POU6F2: variants seen among roughly 807,000 people sequenced by gnomAD.
POU6F2 encodes the protein POU domain, class 6, transcription factor 2.
POU6F2 carries 31 observed loss-of-function variants against 71.3 expected under a neutral mutation model. That is an observed-to-expected ratio of 0.43 (90% CI 0.33 to 0.59). POU6F2 has a LOEUF of 0.59. Among genes scored for constraint, POU6F2 ranks in the 20% least tolerant of loss-of-function variants. POU6F2 has a pLI of 0.04. For missense variants in POU6F2, 783 were observed against 856.8 expected (o/e 0.91, Z 1.07); for synonymous variants, 347 against 355.7 (o/e 0.98, Z 0.27).
At chr7:39,250,264 C>A (rs1783891355) in intron 4 of POU6F2, among the ~76,000 whole-genome samples, 2 of 152,214 alleles carry the variant, frequency 1.3e-5, no homozygotes, top group South Asian at 4.1e-4. Flanking sequence ...GTGATCTTGA[C>A]TGTGCAGCCC....
chr7:39,414,664 C>T (rs553307952), intron 6 of POU6F2, among the ~76,000 whole-genome samples: 3 of 152,186 alleles, frequency 2.0e-5, no homozygotes, highest in Non-Finnish European at 4.4e-5. Flanking sequence ...CTTAAGACTG[C>T]GGGTGCGGCC....
intron 1 of POU6F2, among the ~76,000 whole-genome samples, chr7:39,041,686 T>A (rs530922826): frequency 6.6e-6 from 1 of 152,082 alleles, no homozygotes; most frequent in South Asian, 2.1e-4. Context: ...TATTCTTTTT[T>A]ATTTCCATCT....
At chr7:39,372,020 A>G (rs1470501077) in intron 5 of POU6F2, among the ~76,000 whole-genome samples, 2 of 152,108 alleles carry the variant, frequency 1.3e-5, no homozygotes, top group African/African-American at 2.4e-5. Flanking sequence ...GGCTCAAGCA[A>G]TCCTCCTGCT....
rs35508359 is a variant in POU6F2, at chr7:39,266,695, CT to C, written c.598+59094del. Among the ~76,000 whole-genome samples, 659 of 105,080 alleles carry C rather than the reference CT, an allele frequency of 6.3e-3. 4 individuals are homozygous for C. The highest frequency in any genetic ancestry group is 0.024 in the African/African-American group (616 of 25,836). 68.9% of individuals were successfully genotyped at this position (105,080 alleles called of 152,430 possible). On this transcript the variant is annotated intron_variant, in intron 4 of 9. Coordinates refer to ENST00000518318, the MANE Select transcript of POU6F2 (RefSeq NM_001370959.1). ...ACAGGCATGAGCCACCGCACCTGGC[CT>C]TTTTTTTTTTTTTTTTTTGAATTGA...
rs149625283 is a variant in POU6F2, at chr7:39,045,744, C to G, written c.106-40116C>G. 3.0e-3 allele frequency among the ~76,000 whole-genome samples: 460 copies of G among 152,044 alleles called. 2 individuals carry two copies. The highest frequency in any genetic ancestry group is 0.015 in the South Asian group (71 of 4,828). ...TCTCCACTCCTACCCCTACCCCAGG[C>G]AACCAAAGGTCTGCTTTCTGTCACT... On this transcript the variant is annotated intron_variant, in intron 1 of 9. Coordinates refer to ENST00000518318, the MANE Select transcript of POU6F2 (RefSeq NM_001370959.1).
chr7:39,339,415 G>C (rs1785859141), intron 4 of POU6F2, among the ~76,000 whole-genome samples: 1 of 152,114 alleles, frequency 6.6e-6, no homozygotes, highest in African/African-American at 2.4e-5. Context: ...TTAAAGTAAT[G>C]CCTGATGTGT....
At chr7:39,357,439 A>C (rs1239820290) in intron 5 of POU6F2, among the ~76,000 whole-genome samples, 2 of 152,312 alleles carry the variant, frequency 1.3e-5, no homozygotes, top group South Asian at 2.1e-4. Context: ...AAAGTCCCAC[A>C]GTTTGTAAGA....
chr7:39,275,456 C>T (rs1287583826), intron 4 of POU6F2, among the ~76,000 whole-genome samples: 4 of 152,074 alleles, frequency 2.6e-5, no homozygotes, highest in African/African-American at 9.7e-5. Context: ...GAATCAATAT[C>T]GTGAAAATGG....
At chr7:39,233,994 G>A (rs2128750403) in intron 4 of POU6F2, among the ~76,000 whole-genome samples, 1 of 151,980 alleles carries the variant, frequency 6.6e-6, no homozygotes, top group East Asian at 1.9e-4. Flanking sequence ...TAGTCATGTG[G>A]GCCTTCTATC....
chr7:39,333,597 G>A (rs1439729840), intron 4 of POU6F2, among the ~76,000 whole-genome samples: 4 of 152,216 alleles, frequency 2.6e-5, no homozygotes, highest in African/African-American at 7.2e-5. Context: ...AATTAGCCTG[G>A]CACAGTGGCA....
chr7:39,273,450 C>T (rs556581809), intron 4 of POU6F2, among the ~76,000 whole-genome samples: 2 of 152,308 alleles, frequency 1.3e-5, no homozygotes, highest in African/African-American at 4.8e-5. Context: ...AAGATTAAAA[C>T]ATCAGGAAAA....
Position 39,421,025 on chromosome 7 carries a change from A to G in POU6F2, c.1114-12052A>G, listed in dbSNP as rs190376389. Among the ~76,000 whole-genome samples, 83 of 152,316 alleles carry G rather than the reference A, an allele frequency of 5.4e-4. 4 individuals carry two copies. The East Asian group carries it at 0.01, about 19-fold the overall frequency. On this transcript the variant is annotated intron_variant, in intron 6 of 9. Transcript: ENST00000518318. ...GGACATTTAAAGTAGGAATTAGAAA[A>G]CTATGAGAAACCACAATTGGAAGAG...
chr7:39,082,622 GACTT>G (rs1467228501), intron 1 of POU6F2, among the ~76,000 whole-genome samples: 1 of 152,066 alleles, frequency 6.6e-6, no homozygotes, highest in Non-Finnish European at 1.5e-5. Flanking sequence ...GAGAGAGAAT[GACTT>G]CCAAGCCGAG....
intron 4 of POU6F2, among the ~76,000 whole-genome samples, chr7:39,278,560 A>T (rs1055488178): frequency 6.6e-6 from 1 of 152,178 alleles, no homozygotes; most frequent in Non-Finnish European, 1.5e-5. Flanking sequence ...TGATTTCCAG[A>T]CCTTCCTTGT....
chr7:39,418,115 C>T (rs17619647), intron 6 of POU6F2, among the ~76,000 whole-genome samples: 61,293 of 151,968 alleles, frequency 0.4, 12,622 homozygotes, highest in Admixed American at 0.51. Context: ...TGGATTCAAA[C>T]TCAGTTATGT....
At chr7:39,056,183 A>C (rs1378789290) in intron 1 of POU6F2, among the ~76,000 whole-genome samples, 1 of 152,074 alleles carries the variant, frequency 6.6e-6, no homozygotes, top group Non-Finnish European at 1.5e-5. Context: ...TCTCAATTCC[A>C]GAAAGTGAGA....
intron 2 of POU6F2, among the ~76,000 whole-genome samples, chr7:39,181,096 A>C (rs1793425735): frequency 6.6e-6 from 1 of 152,190 alleles, no homozygotes; most frequent in Non-Finnish European, 1.5e-5. Flanking sequence ...CTTTAAGCAA[A>C]ACTTTGCTGT....
intron 5 of POU6F2, among the ~76,000 whole-genome samples, chr7:39,370,851 A>C (rs900556347): frequency 6.6e-6 from 1 of 152,196 alleles, no homozygotes; most frequent in African/African-American, 2.4e-5. Flanking sequence ...CTGGGTCTCC[A>C]CCCTGTAGGC....
chr7:39,387,498 A>G (rs937268633), intron 5 of POU6F2, among the ~76,000 whole-genome samples: 1 of 152,228 alleles, frequency 6.6e-6, no homozygotes, highest in African/African-American at 2.4e-5. Flanking sequence ...GTCTCTAACA[A>G]ATACACTAGT....
Sources: allele counts gnomAD v4.1 joint callset (sites outside exome capture counted in the v4.1 genomes callset), GRCh38; gene constraint gnomAD v4.1.1; transcripts MANE v1.5; gene names NCBI Gene and HGNC (gene_info 2026-07-23, HGNC 2026-07-21).